Variants in SRD5A2 observed in about 807,000 individuals in gnomAD.
The protein encoded by SRD5A2 is 3-oxo-5-alpha-steroid 4-dehydrogenase 2.
SRD5A2 carries 30 observed loss-of-function variants against 27.4 expected under a neutral mutation model. The ratio of observed to expected loss-of-function variants is 1.10; its 90% CI spans 0.82 to 1.49. SRD5A2 has a LOEUF of 1.49. Ranked by LOEUF, SRD5A2 falls within the 40% of genes most tolerant of loss-of-function variation. The pLI, the probability that SRD5A2 is intolerant of heterozygous loss-of-function variation, is 0.00. For missense variants in SRD5A2, 348 were observed against 323.4 expected, an observed-to-expected ratio of 1.08 and a Z score of -0.58; for synonymous variants, 141 against 133.6, an observed-to-expected ratio of 1.06 and a Z score of -0.38.
At chr2:31,609,451 G>A in the SRD5A2 span, among the ~76,000 whole-genome samples, 1 of 152,102 alleles carries the variant, frequency 6.6e-6, no homozygotes, top group East Asian at 1.9e-4. Flanking sequence ...GAGTCCAAAA[G>A]TCAATGTATA....
At chr2:31,614,438 G>T in the SRD5A2 span, among the ~76,000 whole-genome samples, 1 of 152,238 alleles carries the variant, frequency 6.6e-6, no homozygotes, top group African/African-American at 2.4e-5. Flanking sequence ...CTCTGCCCCT[G>T]TGGCTTTGCA....
At chr2:31,647,439 G>A in the SRD5A2 span, among the ~76,000 whole-genome samples, 3 of 152,024 alleles carry the variant, frequency 2.0e-5, no homozygotes, top group Non-Finnish European at 2.9e-5. Flanking sequence ...GCATTCCCCC[G>A]TTTTACCTTC....
intron 1 of SRD5A2, among the ~76,000 whole-genome samples, chr2:31,579,781 G>A (rs1208872912): frequency 6.6e-6 from 1 of 152,214 alleles, no homozygotes; most frequent in Admixed American, 6.5e-5. Flanking sequence ...CTTTACTGAG[G>A]CTGGACAGTC....
chr2:31,592,385 C>T, the SRD5A2 span, among the ~76,000 whole-genome samples: 2 of 152,158 alleles, frequency 1.3e-5, no homozygotes, highest in Non-Finnish European at 2.9e-5. Context: ...GCTAGCATAA[C>T]CAGCATTTGA....
intron 1 of SRD5A2, among the ~76,000 whole-genome samples, chr2:31,568,524 G>A (rs1401894156): frequency 6.6e-6 from 1 of 152,160 alleles, no homozygotes; most frequent in Non-Finnish European, 1.5e-5. Context: ...AGAAGGAAGG[G>A]CGTGCTGATT....
chr2:31,527,177 G>A (rs1360376730), intron 4 of SRD5A2: 1 of 152,174 alleles, frequency 6.6e-6, no homozygotes, highest in African/African-American at 2.4e-5. Flanking sequence ...TTGTGGTAAT[G>A]TATTGCAGCA....
chr2:31,657,958 T>A, the SRD5A2 span, among the ~76,000 whole-genome samples: 100 of 151,908 alleles, frequency 6.6e-4, no homozygotes, highest in African/African-American at 2.3e-3. Flanking sequence ...AGTAGAACAG[T>A]AAATACAAAA....
At chr2:31,558,078 C>A (rs571176393) in intron 1 of SRD5A2, among the ~76,000 whole-genome samples, 1 of 152,284 alleles carries the variant, frequency 6.6e-6, no homozygotes, top group East Asian at 1.9e-4. Context: ...GGAAATCTTA[C>A]TTGGAAGGCC....
At chr2:31,621,351 T>G in the SRD5A2 span, among the ~76,000 whole-genome samples, 1 of 152,132 alleles carries the variant, frequency 6.6e-6, no homozygotes, top group Non-Finnish European at 1.5e-5. Flanking sequence ...TAAGATTATC[T>G]GAATGGAATC....
the SRD5A2 span, among the ~76,000 whole-genome samples, chr2:31,602,412 G>A: frequency 5.3e-5 from 8 of 151,836 alleles, no homozygotes; most frequent in Admixed American, 1.3e-4. Context: ...AAGAGAGGAC[G>A]CAAACAAATG....
intron 1 of SRD5A2, among the ~76,000 whole-genome samples, chr2:31,572,720 T>C (rs1189939132): frequency 6.6e-6 from 1 of 152,164 alleles, no homozygotes; most frequent in Non-Finnish European, 1.5e-5. Flanking sequence ...AGTAAGATCA[T>C]GTACTGCTGA....
the SRD5A2 span, among the ~76,000 whole-genome samples, chr2:31,651,066 G>A: frequency 6.6e-6 from 1 of 152,228 alleles, no homozygotes; most frequent in African/African-American, 2.4e-5. Flanking sequence ...TGGGATAAGT[G>A]TCTGCGTATC....
At chr2:31,581,075 C>T (rs912964390), upstream of SRD5A2, 1 of 673,114 alleles carries the variant, frequency 1.5e-6, no homozygotes, top group Non-Finnish European at 2.4e-6. Context: ...GCAGCAATAC[C>T]CCTTTCTCAA....
the SRD5A2 span, among the ~76,000 whole-genome samples, chr2:31,646,323 T>C: frequency 2.0e-5 from 3 of 152,174 alleles, no homozygotes; most frequent in Non-Finnish European, 4.4e-5. Context: ...TTTACCTGTA[T>C]GTCAGGCTCC....
At chr2:31,589,466 C>A in the SRD5A2 span, among the ~76,000 whole-genome samples, 5 of 152,238 alleles carry the variant, frequency 3.3e-5, no homozygotes, top group Non-Finnish European at 5.9e-5. Context: ...TGCCCGGATG[C>A]CCCCAGGAAC....
intron 1 of SRD5A2, among the ~76,000 whole-genome samples, chr2:31,554,856 C>A (rs1328831990): frequency 6.6e-6 from 1 of 150,718 alleles, no homozygotes; most frequent in Non-Finnish European, 1.5e-5. Flanking sequence ...AGACTGTGTT[C>A]ATGTAGGCTT....
rs182753903 is a variant in SRD5A2, at chr2:31,566,743, T to C, written c.281+13877A>G. On this transcript the variant is annotated intron_variant, in intron 1 of 4. Coordinates refer to ENST00000622030, the MANE Select transcript of SRD5A2 (RefSeq NM_000348.4). ...AATCCCTCAGAACAGTAACTACTTATGGGGTGTCATATCTCTGCTGAGATT... is the reference window on the plus strand; with the variant it reads ...AATCCCTCAGAACAGTAACTACTTACGGGGTGTCATATCTCTGCTGAGATT... Among the ~76,000 whole-genome samples, 117 of 152,334 alleles carry C rather than the reference T, an allele frequency of 7.7e-4. 1 individual carries two copies. The highest frequency in any genetic ancestry group is 2.6e-3 in the African/African-American group (107 of 41,596).
chr2:31,561,583 T>C (rs1364769761), intron 1 of SRD5A2, among the ~76,000 whole-genome samples: 1 of 152,176 alleles, frequency 6.6e-6, no homozygotes, highest in African/African-American at 2.4e-5. Context: ...TTTTTAAGTA[T>C]TTATGGCATG....
chr2:31,589,640 G>A, the SRD5A2 span, among the ~76,000 whole-genome samples: 1 of 152,350 alleles, frequency 6.6e-6, no homozygotes, highest in East Asian at 1.9e-4. Flanking sequence ...TCTTCAGGAA[G>A]GGAGGGCAGC....
Sources: allele counts gnomAD v4.1 joint callset (sites outside exome capture counted in the v4.1 genomes callset), GRCh38; gene constraint gnomAD v4.1.1; transcripts MANE v1.5; gene names NCBI Gene and HGNC (gene_info 2026-07-23, HGNC 2026-07-21).